Variants in EPHA5 observed in about 807,000 individuals in gnomAD.
EPHA5 encodes the protein ephrin type-A receptor 5.
EPHA5 carries 60 observed loss-of-function variants against 105.0 expected under a neutral mutation model. The observed-to-expected ratio is 0.57, with a 90% CI of 0.46 to 0.71. The LOEUF is 0.71. Among genes scored for constraint, EPHA5 ranks in the 30% least tolerant of loss-of-function variants. The pLI is 0.00. For missense variants in EPHA5, 1,218 were observed against 1,274.7 expected (o/e 0.96, Z 0.68); for synonymous variants, 513 against 449.1 (o/e 1.14, Z -1.80).
intron 8 of EPHA5, among the ~76,000 whole-genome samples, chr4:65,370,587 C>A (rs933478372): frequency 1.3e-5 from 2 of 152,218 alleles, no homozygotes; most frequent in East Asian, 3.9e-4. Context: ...AAAATTGTAT[C>A]CTCAAATAGC....
chr4:65,412,615 C>T (rs1012016815), intron 7 of EPHA5, among the ~76,000 whole-genome samples: 1 of 151,970 alleles, frequency 6.6e-6, no homozygotes. Context: ...AAAAATAATG[C>T]TACAATCTAC....
intron 11 of EPHA5, among the ~76,000 whole-genome samples, chr4:65,362,606 C>T (rs754826973): frequency 6.6e-6 from 1 of 151,560 alleles, no homozygotes; most frequent in African/African-American, 2.4e-5. Context: ...TTTAAAACTG[C>T]CTTTCTAACC....
intron 3 of EPHA5, among the ~76,000 whole-genome samples, chr4:65,552,357 C>T (rs1738003392): frequency 1.3e-5 from 2 of 152,188 alleles, no homozygotes; most frequent in South Asian, 4.1e-4. Context: ...TTTGGCATAC[C>T]ACCTTAGTTA....
intron 3 of EPHA5, among the ~76,000 whole-genome samples, chr4:65,537,922 G>A (rs1736445713): frequency 6.6e-6 from 1 of 151,734 alleles, no homozygotes; most frequent in South Asian, 2.1e-4. Flanking sequence ...GAAATCAAGA[G>A]TATCACTTAA....
chr4:65,538,383 A>G (rs1736496855), intron 3 of EPHA5, among the ~76,000 whole-genome samples: 1 of 151,760 alleles, frequency 6.6e-6, no homozygotes, highest in Admixed American at 6.6e-5. Context: ...TGCACATTTA[A>G]TATACAATGC....
intron 8 of EPHA5, among the ~76,000 whole-genome samples, chr4:65,391,484 C>A (rs1340753849): frequency 6.6e-6 from 1 of 152,074 alleles, no homozygotes; most frequent in African/African-American, 2.4e-5. Context: ...CACTTTGATT[C>A]ATTTTTCAAC....
At chr4:65,443,038 T>A (rs906405265) in intron 5 of EPHA5, among the ~76,000 whole-genome samples, 1 of 152,098 alleles carries the variant, frequency 6.6e-6, no homozygotes, top group Non-Finnish European at 1.5e-5. Context: ...CCAACAGTTC[T>A]TTTCAAAGAA....
intron 8 of EPHA5, among the ~76,000 whole-genome samples, chr4:65,374,331 T>C (rs572418650): frequency 3.3e-5 from 5 of 151,984 alleles, no homozygotes; most frequent in African/African-American, 9.6e-5. Flanking sequence ...TAACATTATG[T>C]TTATGAATGT....
intron 2 of EPHA5, among the ~76,000 whole-genome samples, chr4:65,619,740 GTATC>G (rs1424866301): frequency 5.9e-5 from 9 of 151,784 alleles, no homozygotes; most frequent in Admixed American, 2.6e-4. Flanking sequence ...ATTTTCCTAA[GTATC>G]TATGTGCACA....
chr4:65,618,605 C>T (rs951869074), intron 2 of EPHA5, among the ~76,000 whole-genome samples: 5 of 152,146 alleles, frequency 3.3e-5, no homozygotes, highest in Non-Finnish European at 1.5e-5. Context: ...TTGCTTTATA[C>T]AACCTTATTG....
At chr4:65,495,661 C>T in intron 3 of EPHA5, 118 bp from the exon 4 acceptor site, 1 of 789,500 alleles carries the variant, frequency 1.3e-6, no homozygotes, top group African/African-American at 1.8e-5. Context: ...ATCTTTGCAT[C>T]AATTTCAAGA....
intron 8 of EPHA5, among the ~76,000 whole-genome samples, chr4:65,371,141 C>T (rs965288373): frequency 6.6e-6 from 1 of 151,904 alleles, no homozygotes. Context: ...TTTCATATCA[C>T]GATTTTAATG....
chr4:65,381,280 TATGG>T (rs1363167403), intron 8 of EPHA5, among the ~76,000 whole-genome samples: 4 of 151,710 alleles, frequency 2.6e-5, no homozygotes, highest in African/African-American at 9.7e-5. Context: ...TTAATGTAAA[TATGG>T]TATAATATTA....
chr4:65,669,876 C>T lies in EPHA5; in HGVS notation c.-134G>A, dbSNP rs1472595990. 3.3e-6 allele frequency: 4 copies of T among 1,207,804 alleles called. No individual in the cohort carries two copies. The highest frequency in any genetic ancestry group is 6.3e-5 in the East Asian group (2 of 31,568). 74.8% of individuals were successfully genotyped at this position (1,207,804 alleles called of 1,614,324 possible). A position where few individuals can be genotyped will look rare whatever the true frequency, so the allele number is the denominator to read the frequency against. ...GTCCTACGCCTTCTGGCACGCGGCT[C>T]CTCCAAATGTAGGAACCACGGATCC... On this transcript the variant is annotated 5_prime_UTR_variant, in exon 1 of 17. Transcript: ENST00000613740.
At position 65,510,457 on chromosome 4, in the gene EPHA5, T is replaced by G. The variant is rs189592231; in HGVS notation, c.911-14914A>C. Among the ~76,000 whole-genome samples, 283 of 152,294 alleles carry G rather than the reference T, an allele frequency of 1.9e-3. 1 individual carries two copies. Among genetic ancestry groups the G allele is most frequent in the Non-Finnish European group, 3.1e-3 (208 of 68,028 alleles). On this transcript the variant is annotated intron_variant, in intron 3 of 16. Coordinates refer to ENST00000613740, the MANE Select transcript of EPHA5 (RefSeq NM_001281766.3). ...CCATGTAATCACACAGTATCTTCTC[T>G]TTTGGTTGTGAACTTTGAGGTCACA...
chr4:65,590,788 A>T (rs1191823236), intron 3 of EPHA5, among the ~76,000 whole-genome samples: 1 of 152,166 alleles, frequency 6.6e-6, no homozygotes, highest in African/African-American at 2.4e-5. Context: ...CAGATGAAGC[A>T]CAAAACATTT....
At chr4:65,633,287 A>C (rs1171137559) in intron 2 of EPHA5, among the ~76,000 whole-genome samples, 1 of 152,000 alleles carries the variant, frequency 6.6e-6, no homozygotes, top group African/African-American at 2.4e-5. Context: ...AGAACCATAA[A>C]GCATTTGCTT....
intron 8 of EPHA5, among the ~76,000 whole-genome samples, chr4:65,397,821 A>T (rs982816149): frequency 1.8e-4 from 28 of 152,078 alleles, no homozygotes; most frequent in Non-Finnish European, 3.8e-4. Flanking sequence ...CCCCAGAAAA[A>T]TGCCCCCTAT....
chr4:65,562,412 G>T (rs1739103494), intron 3 of EPHA5, among the ~76,000 whole-genome samples: 1 of 151,778 alleles, frequency 6.6e-6, no homozygotes, highest in Admixed American at 6.6e-5. Context: ...CAGACCTTTA[G>T]GTAAGCTTAA....
Sources: allele counts gnomAD v4.1 joint callset (sites outside exome capture counted in the v4.1 genomes callset), GRCh38; gene constraint gnomAD v4.1.1; transcripts MANE v1.5; gene names NCBI Gene and HGNC (gene_info 2026-07-23, HGNC 2026-07-21).